CEP350: variants seen among roughly 807,000 people sequenced by gnomAD.
CEP350 encodes centrosomal protein 350.
Under a neutral mutation model 331.8 loss-of-function variants are expected in CEP350, and 126 were observed. The observed-to-expected ratio is 0.38, with a 90% CI of 0.33 to 0.44. CEP350 has a LOEUF of 0.44. Among genes scored for constraint, CEP350 ranks in the 20% least tolerant of loss-of-function variants. The pLI is 1.00. For missense variants in CEP350, 3,406 were observed against 3,634.6 expected (o/e 0.94, Z 1.62); for synonymous variants, 1,200 against 1,259.5 (o/e 0.95, Z 1.00).
At chr1:180,026,508 C>T (rs1292129507) in intron 14 of CEP350, among the ~76,000 whole-genome samples, 2 of 152,142 alleles carry the variant, frequency 1.3e-5, no homozygotes, top group Non-Finnish European at 2.9e-5. Flanking sequence ...TTCAAATATA[C>T]AGTTCAGTGA....
chr1:180,078,599 T>C lies in CEP350; in HGVS notation c.5904T>C (p.Ser1968=), dbSNP rs1558145293. The C allele has an allele frequency of 1.2e-6, 2 of 1,613,094 alleles. No homozygotes were observed. Among genetic ancestry groups the C allele is most frequent in the Non-Finnish European group, 1.7e-6 (2 of 1,179,534 alleles). The part of the protein sequence containing the change: ...SESIGQEQPG[S]PDHSILTEEM... ...CTATAGGACAGGAGCAGCCAGGGAG[T>C]CCAGATCACAGTATACTTACTGAAG... Residue 1968 remains serine, a synonymous_variant, in exon 29 of 38, where the codon AGT becomes AGC. Transcript: ENST00000367607.
chr1:180,055,008 AG>A (rs1250880240), intron 25 of CEP350, among the ~76,000 whole-genome samples: 1 of 152,196 alleles, frequency 6.6e-6, no homozygotes, highest in African/African-American at 2.4e-5. Flanking sequence ...CAACTTTACC[AG>A]TTGCTGGTTT....
intron 19 of CEP350, 93 bp downstream of exon 19, chr1:180,041,895 A>T: frequency 8.4e-7 from 1 of 1,183,960 alleles, no homozygotes; most frequent in Non-Finnish European, 1.2e-6. Flanking sequence ...TATCTTAGTA[A>T]ATGCATACTT....
At position 179,996,741 on chromosome 1, in the gene CEP350, G is replaced by T; in HGVS notation, c.584G>T (p.Arg195Met). Residue 195 changes from arginine (R) to methionine (M), a missense_variant, in exon 6 of 38, where the codon AGG (arginine) becomes ATG (methionine). Arg to Met is a moderately conservative substitution (Grantham distance 91). Transcript: ENST00000367607. ...TCTGTCATCAATGATACAGTTGTTAGGTTTTTAAATGATCGACCAGCAATT... is the reference window on the plus strand; with the variant it reads ...TCTGTCATCAATGATACAGTTGTTATGTTTTTAAATGATCGACCAGCAATT... Reference protein sequence around the residue: ...QSSVINDTVVRFLNDRPAIDA... With the variant: ...QSSVINDTVVMFLNDRPAIDA... 1 of 1,613,582 alleles carries T rather than the reference G, an allele frequency of 6.2e-7. No homozygotes were observed. Among genetic ancestry groups the T allele is most frequent in the Non-Finnish European group, 8.5e-7 (1 of 1,179,666 alleles).
chr1:179,969,311 T>A (rs1054630108), intron 1 of CEP350: 1 of 502,904 alleles, frequency 2.0e-6, no homozygotes, highest in African/African-American at 1.9e-5. Flanking sequence ...CAAGGAAGAA[T>A]TTTAGGGTGA....
At chr1:180,019,017 A>C (rs927664701) in intron 11 of CEP350, among the ~76,000 whole-genome samples, 1 of 151,990 alleles carries the variant, frequency 6.6e-6, no homozygotes, top group African/African-American at 2.4e-5. Flanking sequence ...CACCATGCCC[A>C]CCTAATTTTT....
At chr1:180,017,685 C>T (rs1169897205) in intron 11 of CEP350, among the ~76,000 whole-genome samples, 1 of 152,156 alleles carries the variant, frequency 6.6e-6, no homozygotes, top group Non-Finnish European at 1.5e-5. Flanking sequence ...CTGAGCTCCC[C>T]CATTCCCGTT....
rs1181231618 is a variant in CEP350, at chr1:180,041,188, T to C, written c.4161T>C (p.Ala1387=). The C allele has an allele frequency of 6.3e-7, 1 of 1,598,936 alleles. No individual in the cohort carries two copies. The highest frequency in any genetic ancestry group is 8.5e-7 in the Non-Finnish European group (1 of 1,172,642). The change falls in exon 18 of 38, where the codon GCT becomes GCC. Residue 1387 remains alanine (A), a synonymous_variant. Transcript: ENST00000367607. ...ACTTGGCCCTCTTGAAACTAAAGGC[T>C]GAACAAGAGGCTCTGGAGAGTCAGA... ...ERDLALLKLK[A]EQEALESQRQ...
intron 15 of CEP350, 46 bp from the exon 16 acceptor site, chr1:180,033,816 A>G (rs1238148433): frequency 6.4e-7 from 1 of 1,563,776 alleles, no homozygotes; most frequent in Non-Finnish European, 8.7e-7. Flanking sequence ...CTGGTTTACA[A>G]AGTACTTTTC....
chr1:180,026,475 T>C (rs114863073), intron 14 of CEP350, among the ~76,000 whole-genome samples: 6 of 152,284 alleles, frequency 3.9e-5, no homozygotes, highest in African/African-American at 1.4e-4. Flanking sequence ...ATACATGACA[T>C]AGAATTTATC....
In CEP350 at chr1:180,076,928, G is replaced by A. The variant is rs149201585; in HGVS notation, c.5768-1535G>A. On this transcript the variant is annotated intron_variant, in intron 28 of 37. Transcript: ENST00000367607. The stretch of plus-strand genomic sequence containing the variant: ...AAAAACCAAACCTATAATAGATACC[G>A]TACTTAATGATAAAATATAGAAAGT... Among the ~76,000 whole-genome samples, 284 of 152,200 alleles carry A rather than the reference G, an allele frequency of 1.9e-3. 1 individual carries two copies. The highest frequency in any genetic ancestry group is 6.8e-3 in the Middle Eastern group (2 of 294).
rs1368316461 is a variant in CEP350, at chr1:180,014,107, C to A, written c.1654C>A (p.Gln552Lys). Residue 552 changes from glutamine to lysine, a missense_variant, in exon 10 of 38, where the codon CAG (glutamine) becomes AAG (lysine). Transcript: ENST00000367607. ...HTAKQDTVEL[Q>K]NQKSSAPVHA... ...TGCAAAGCAAGATACTGTAGAGTTA[C>A]AGAACCAGAAGTCATCAGCACCAGT... is the stretch of plus-strand genomic sequence containing the variant. 1 of 1,610,870 alleles carries A rather than the reference C, an allele frequency of 6.2e-7. No homozygotes were observed. The highest frequency in any genetic ancestry group is 2.2e-5 in the East Asian group (1 of 44,862).
chr1:179,986,534 A>G (rs964175916), intron 2 of CEP350, among the ~76,000 whole-genome samples: 10 of 152,198 alleles, frequency 6.6e-5, no homozygotes, highest in African/African-American at 1.7e-4. Context: ...TATAGCCCCA[A>G]TATAGTTACA....
chr1:180,041,931 C>T, intron 19 of CEP350, 129 bp downstream of exon 19: 1 of 789,420 alleles, frequency 1.3e-6, no homozygotes, highest in South Asian at 2.0e-5. Context: ...TAGTGGGGGC[C>T]ATACCCTATT....
chr1:180,022,890 G>T, intron 13 of CEP350, 42 bp downstream of exon 13: 1 of 1,524,978 alleles, frequency 6.6e-7, no homozygotes, highest in Non-Finnish European at 8.8e-7. Flanking sequence ...TGAAGAGTGA[G>T]AAAAATGTAC....
In CEP350 at chr1:179,974,172, C is replaced by T. The variant is rs142561202; in HGVS notation, c.-13-11997C>T. On this transcript the variant is annotated intron_variant, in intron 1 of 37. Coordinates refer to ENST00000367607, the MANE Select transcript of CEP350 (RefSeq NM_014810.5). Reference sequence around the variant, plus strand: ...TCGGCTCACTGCAAGCTCTGCCTCTCGGGTTCATGCCATTCTCCTGCCTCA... The same window carrying T: ...TCGGCTCACTGCAAGCTCTGCCTCTTGGGTTCATGCCATTCTCCTGCCTCA... Among the ~76,000 whole-genome samples, 704 of 152,032 alleles carry T rather than the reference C, an allele frequency of 4.6e-3. 6 individuals carry two copies. The highest frequency in any genetic ancestry group is 0.016 in the African/African-American group (661 of 41,474).
At chr1:180,004,955 C>CTTTCTTTCTTTCTTTCTTTCTTTCTTT (rs1558093320) in intron 7 of CEP350, among the ~76,000 whole-genome samples, 1 of 72,652 alleles carries the variant, frequency 1.4e-5, no homozygotes, top group Non-Finnish European at 3.4e-5. Context: ...TTCTTTCTTT[C>CTTTCTTTCTTTCTTTCTTTCTTTCTTT]CCCTCTCTCT....
intron 27 of CEP350, among the ~76,000 whole-genome samples, chr1:180,071,146 CAA>C (rs57487170): frequency 4.9e-4 from 31 of 63,236 alleles, no homozygotes; most frequent in African/African-American, 8.9e-4. Flanking sequence ...GACTCCATCT[CAA>C]AAAAAAAAAA....
intron 1 of CEP350, among the ~76,000 whole-genome samples, chr1:179,961,987 A>G (rs928404997): frequency 1.3e-4 from 20 of 152,032 alleles, no homozygotes; most frequent in Non-Finnish European, 1.2e-4. Flanking sequence ...CTTGGACTAC[A>G]GGTACGAGCC....
Sources: allele counts gnomAD v4.1 joint callset (sites outside exome capture counted in the v4.1 genomes callset), GRCh38; gene constraint gnomAD v4.1.1; transcripts MANE v1.5; gene names NCBI Gene and HGNC (gene_info 2026-07-23, HGNC 2026-07-21).